Variants in COL5A1 observed in about 807,000 individuals in gnomAD.
COL5A1 encodes collagen alpha-1(V) chain.
Under a neutral mutation model 263.7 loss-of-function variants are expected in COL5A1, and 16 were observed. The ratio of observed to expected loss-of-function variants is 0.06; its 90% confidence interval spans 0.04 to 0.09. The LOEUF is 0.09. COL5A1 is among the 10% of genes least tolerant of loss of function. The pLI is 1.00. For missense variants in COL5A1, 2,036 were observed against 2,540.5 expected (o/e 0.80, Z 4.27); for synonymous variants, 1,012 against 1,004.5 (o/e 1.01, Z -0.14).
intron 1 of COL5A1, chr9:134,649,630 C>T: frequency 2.3e-6 from 1 of 428,734 alleles, no homozygotes; most frequent in Non-Finnish European, 4.6e-6. Context: ...TGTGGTGATT[C>T]CTCAAGGATC....
At chr9:134,728,121 C>T (rs548029221) in intron 5 of COL5A1, among the ~76,000 whole-genome samples, 4 of 152,240 alleles carry the variant, frequency 2.6e-5, no homozygotes, top group African/African-American at 9.6e-5. Flanking sequence ...GCTGTGGGAC[C>T]CCGTGGCCCA....
rs1389391440 is a variant in COL5A1, at chr9:134,681,677, C to G, written c.110-9235C>G. ...CTGCGAGTGACCATGCTCACCTGCC[C>G]TGTACCTCGATTCCTCTTTCCCAAT... On this transcript the variant is annotated intron_variant, in intron 1 of 65. Transcript: ENST00000371817. The surrounding 1 kb of genome is among the most constrained non-coding windows in gnomAD (Gnocchi z 4.3). Among the ~76,000 whole-genome samples, 3 of 152,210 alleles carry G rather than the reference C, an allele frequency of 2.0e-5. No homozygotes were observed. Among genetic ancestry groups the G allele is most frequent in the Admixed American group, 6.5e-5 (1 of 15,288 alleles).
At chr9:134,781,032 G>A (rs1234707192) in intron 28 of COL5A1, among the ~76,000 whole-genome samples, 6 of 152,238 alleles carry the variant, frequency 3.9e-5, no homozygotes, top group East Asian at 1.9e-4. Flanking sequence ...GCTGGAGTGC[G>A]GGTGCTGGCG....
In COL5A1 at chr9:134,678,591, T is replaced by A. The variant is rs941131279; in HGVS notation, c.110-12321T>A. Among the ~76,000 whole-genome samples the A allele has an allele frequency of 1.3e-5, 2 of 152,230 alleles. No homozygotes were observed. The highest frequency in any genetic ancestry group is 4.8e-5 in the African/African-American group (2 of 41,456). ...TCCTCCATGGTCTCTTCAGAGCCTGTTTTTATCCTGGCTGCTGTCATTCCT... is the reference window on the plus strand; with the variant it reads ...TCCTCCATGGTCTCTTCAGAGCCTGATTTTATCCTGGCTGCTGTCATTCCT... On this transcript the variant is annotated intron_variant, in intron 1 of 65. Coordinates refer to ENST00000371817, the MANE Select transcript of COL5A1 (RefSeq NM_000093.5). The surrounding 1 kb of genome is among the most constrained non-coding windows in gnomAD (Gnocchi z 5.5).
At position 134,801,983 on chromosome 9, in the gene COL5A1, C is replaced by A. The variant is rs377265020; in HGVS notation, c.2982C>A (p.Gly994=). 7 of 1,612,348 alleles carry A rather than the reference C, an allele frequency of 4.3e-6. No homozygotes were observed. The highest frequency in any genetic ancestry group is 3.3e-5 in the South Asian group (3 of 91,062). The change falls in exon 38 of 66, where the codon GGC becomes GGA. Residue 994 remains glycine (G), a synonymous_variant. Transcript: ENST00000371817. The part of the protein sequence containing the change: ...TGFQGKTGPP[G]PPGVVGPQGP... ...TCCAAGGCAAGACCGGCCCTCCAGG[C>A]CCCCCCGGCGTGGTCGGCCCTCAGG...
In COL5A1 at chr9:134,811,381, C is replaced by T; in HGVS notation, c.3571C>T (p.Pro1191Ser). The T allele has an allele frequency of 6.2e-7, 1 of 1,613,394 alleles. No homozygotes were observed. Among genetic ancestry groups the T allele is most frequent in the Non-Finnish European group, 8.5e-7 (1 of 1,179,770 alleles). ...AGGTCCTCAAGGCCCCATCGGACAG[C>T]CAGGCCCCTCTGTGAGTATCCATGG... ...PTGPQGPIGQ[P>S]GPSGADGEPG... Residue 1191 changes from proline to serine, a missense_variant, in exon 45 of 66, where the codon CCA becomes TCA. Pro to Ser is a moderately conservative substitution (Grantham distance 74). Around this residue, in one of 3 missense-constraint regions of COL5A1, gnomAD observed 1,078 missense variants for 1,521.4 expected, o/e 0.71. Coordinates refer to ENST00000371817, the MANE Select transcript of COL5A1 (RefSeq NM_000093.5).
At chr9:134,651,313 C>G (rs1831679717) in intron 1 of COL5A1, among the ~76,000 whole-genome samples, 1 of 152,166 alleles carries the variant, frequency 6.6e-6, no homozygotes, top group African/African-American at 2.4e-5. Flanking sequence ...TTTGACCCAA[C>G]AATACCATTA....
intron 13 of COL5A1, 62 bp downstream of exon 13, chr9:134,750,944 GGAGT>G (rs758722609): frequency 3.1e-5 from 44 of 1,407,832 alleles, no homozygotes; most frequent in Non-Finnish European, 4.2e-5. Flanking sequence ...GGGGCCAACA[GGAGT>G]GAGTGAGTCA....
chr9:134,774,811 A>T, intron 26 of COL5A1, 48 bp from the exon 27 acceptor site: 1 of 1,585,144 alleles, frequency 6.3e-7, no homozygotes, highest in Non-Finnish European at 8.6e-7. Context: ...TTCCCCAGGC[A>T]CCTCCACACT....
At chr9:134,708,595 G>T (rs1220647208) in intron 4 of COL5A1, 1 of 518,786 alleles carries the variant, frequency 1.9e-6, no homozygotes, top group African/African-American at 1.9e-5. Context: ...ACCCCACCCT[G>T]GCAGTGCTGA....
intron 39 of COL5A1, among the ~76,000 whole-genome samples, 169 bp from the exon 40 acceptor site, chr9:134,804,806 G>T (rs959812604): frequency 6.6e-6 from 1 of 151,992 alleles, no homozygotes; most frequent in African/African-American, 2.4e-5. Context: ...GGTCTGTGTC[G>T]CTGGCTCCAG....
In COL5A1 at chr9:134,759,359, TAC is replaced by T. The variant is rs1251403677; in HGVS notation, c.1935+1067_1935+1068del. Among the ~76,000 whole-genome samples the T allele has an allele frequency of 4.0e-5, 4 of 99,956 alleles. No homozygotes were observed. In the South Asian group the frequency reaches 1.1e-3, roughly 28 times the overall value. The allele number at this position is 99,956 out of a possible 152,430, so 65.6% of individuals were successfully genotyped here. On this transcript the variant is annotated intron_variant, in intron 18 of 65. Transcript: ENST00000371817. ...AAGCACACACACACACCCACATTCA[TAC>T]ACAGATGCACACACACCACACATGC...
chr9:134,808,860 A>G (rs1021350749), intron 42 of COL5A1: 2 of 427,690 alleles, frequency 4.7e-6, no homozygotes, highest in African/African-American at 2.0e-5. Flanking sequence ...ATCCACATAC[A>G]GGCTCAAGAA....
chr9:134,815,042 A>G, intron 50 of COL5A1, 138 bp downstream of exon 50: 1 of 657,726 alleles, frequency 1.5e-6, no homozygotes, highest in Non-Finnish European at 2.6e-6. Flanking sequence ...AATTTTCTAG[A>G]CACTAGAGGT....
intron 50 of COL5A1, 34 bp from the exon 51 acceptor site, chr9:134,815,542 T>C: frequency 1.2e-6 from 2 of 1,608,392 alleles, no homozygotes; most frequent in Non-Finnish European, 1.7e-6. Context: ...AGGTTGCTGA[T>C]GGCCTTGGCT....
chr9:134,760,081 C>CAT (rs1836266293), intron 18 of COL5A1, among the ~76,000 whole-genome samples: 1 of 134,164 alleles, frequency 7.5e-6, no homozygotes, highest in South Asian at 2.6e-4. Context: ...CATGCACACA[C>CAT]GCATACACGC....
intron 42 of COL5A1, among the ~76,000 whole-genome samples, chr9:134,807,921 C>A (rs953800819): frequency 2.0e-5 from 3 of 152,112 alleles, no homozygotes; most frequent in African/African-American, 7.2e-5. Flanking sequence ...AAGAGTTGCT[C>A]TATCCAGGCA....
In COL5A1 at chr9:134,842,285, G is replaced by A. The variant is rs765397184; in HGVS notation, c.5499G>A (p.Pro1833=). ...ASQKFGFEVG[P]ACFMG is the part of the protein sequence containing the mutation. Reference sequence around the variant, plus strand: ...AGAAATTTGGATTTGAAGTGGGGCCGGCTTGCTTCATGGGCTAGGAGCCGC... The same window carrying A: ...AGAAATTTGGATTTGAAGTGGGGCCAGCTTGCTTCATGGGCTAGGAGCCGC... The change falls in exon 66 of 66, where the codon CCG becomes CCA. Residue 1833 remains proline, a synonymous_variant. Coordinates refer to ENST00000371817, the MANE Select transcript of COL5A1 (RefSeq NM_000093.5). The surrounding 1 kb of genome is among the most constrained non-coding windows in gnomAD (Gnocchi z 5.8). 2.0e-5 allele frequency: 32 copies of A among 1,614,064 alleles called. No homozygotes were observed. The East Asian group carries it at 2.2e-4, about 11-fold the overall frequency.
rs1201211160 is a variant in COL5A1 at position 134,642,493 on chromosome 9, CGCCCCCTCCCCA to C, written c.109+199_109+210del. The stretch of plus-strand genomic sequence containing the variant: ...GACACAATGCCCGCGGGCGCGCCGC[CGCCCCCTCCCCA>C]GACGGGCGGGTCGGGTGGGGCTGTC... On this transcript the variant is annotated intron_variant, in intron 1 of 65. Transcript: ENST00000371817. The surrounding 1 kb of genome is among the most constrained non-coding windows in gnomAD (Gnocchi z 4.5). 6.6e-6 allele frequency among the ~76,000 whole-genome samples: 1 copy of C among 151,410 alleles called. No individual in the cohort carries two copies. The highest frequency in any genetic ancestry group is 1.5e-5 in the Non-Finnish European group (1 of 67,626).
Sources: allele counts gnomAD v4.1 joint callset (sites outside exome capture counted in the v4.1 genomes callset), GRCh38; gene constraint gnomAD v4.1.1; regional missense constraint gnomAD v4.1.1; non-coding constraint Gnocchi (gnomAD v3.1); transcripts MANE v1.5; gene names NCBI Gene and HGNC (gene_info 2026-07-23, HGNC 2026-07-21).